HKDC1: variants seen among roughly 807,000 people sequenced by gnomAD.
HKDC1 encodes the protein hexokinase domain containing 1.
In HKDC1, 66 loss-of-function variants were observed where a neutral mutation model predicts 96.6. The ratio of observed to expected loss-of-function variants is 0.68; its 90% CI spans 0.56 to 0.84. The LOEUF is 0.84. Among genes scored for constraint, HKDC1 ranks in the 40% least tolerant of loss-of-function variants. The probability of loss-of-function intolerance (pLI) is 0.00; values close to 1 mark genes in which losing one functional copy is unlikely to be tolerated. For missense variants in HKDC1, 1,211 were observed against 1,208.1 expected, an observed-to-expected ratio of 1.00 and a Z score of -0.04; for synonymous variants, 466 against 473.1, an observed-to-expected ratio of 0.98 and a Z score of 0.20.
At position 69,239,252 on chromosome 10, in the gene HKDC1, A is replaced by G; in HGVS notation, c.591+115A>G. The G allele has an allele frequency of 1.5e-5, 10 of 665,016 alleles. No individual in the cohort carries two copies. The South Asian group carries it at 1.8e-4, about 12-fold the overall frequency. 41.2% of individuals were successfully genotyped at this position (665,016 alleles called of 1,614,324 possible). On this transcript the variant is annotated intron_variant, in intron 5 of 17. Transcript: ENST00000354624. ...CATATGGTGCCTGCATGGAGGGAGA[A>G]TCAGAGAAGGAATTGATCTTAGAAA...
At chr10:69,256,999 A>G (rs1229376807) in intron 12 of HKDC1, 37 bp from the exon 13 acceptor site, 1 of 1,523,246 alleles carries the variant, frequency 6.6e-7, no homozygotes, top group Non-Finnish European at 9.1e-7. Context: ...GCCCTAGCAA[A>G]CTATTGCTCA....
Position 69,248,696 on chromosome 10 carries a change from C to T in HKDC1, c.1538C>T (p.Pro513Leu). Reference sequence around the variant, plus strand: ...GGGCTGGCCACGGTCAGGATGCTGCCCACCTACGTCTGCGGGCTGCCGGAC... The same window carrying T: ...GGGCTGGCCACGGTCAGGATGCTGCTCACCTACGTCTGCGGGCTGCCGGAC... ...SHGLATVRML[P>L]TYVCGLPDGT... Residue 513 changes from proline (P) to leucine (L), a missense_variant, in exon 10 of 18, where the codon CCC (proline) becomes CTC (leucine). Physicochemically the swap from Pro to Leu is moderately conservative, Grantham distance 98 (BLOSUM62 -3). Transcript: ENST00000354624. 1 of 1,612,288 alleles carries T rather than the reference C, an allele frequency of 6.2e-7. No homozygotes were observed. Among genetic ancestry groups the T allele is most frequent in the East Asian group, 2.2e-5 (1 of 44,842 alleles).
chr10:69,261,016 A>G (rs1843797753), intron 15 of HKDC1, 123 bp from the exon 16 acceptor site: 3 of 779,274 alleles, frequency 3.8e-6, no homozygotes, highest in Non-Finnish European at 6.3e-6. Context: ...TCAAGCAGCT[A>G]GTATGTGGCA....
intron 9 of HKDC1, 53 bp from the exon 10 acceptor site, chr10:69,248,371 C>A: frequency 6.6e-7 from 1 of 1,512,896 alleles, no homozygotes; most frequent in Non-Finnish European, 8.9e-7. Context: ...TGGGTCTGTG[C>A]CTGAGCCTGG....
chr10:69,255,869 A>C lies in HKDC1; in HGVS notation c.1837-1167A>C, dbSNP rs568960957. Among the ~76,000 whole-genome samples the C allele has an allele frequency of 3.3e-5, 5 of 152,034 alleles. No homozygotes were observed. In the East Asian group the frequency reaches 9.6e-4, roughly 29 times the overall value. ...GAGGCAGAGGTTGCGGTGAGTTGAG[A>C]TCACACCATTACACTCCAGCCTAGG... On this transcript the variant is annotated intron_variant, in intron 12 of 17. Transcript: ENST00000354624.
At chr10:69,252,323 G>A (rs1275785302) in intron 12 of HKDC1, among the ~76,000 whole-genome samples, 1 of 151,718 alleles carries the variant, frequency 6.6e-6, no homozygotes, top group Admixed American at 6.6e-5. Context: ...ACCAGCCTGG[G>A]CAACATAGTG....
chr10:69,257,354 G>A lies in HKDC1; in HGVS notation c.1960G>A (p.Val654Met), dbSNP rs772860598. ...GTTTGACCTGGACATTGTTGCAGTC[G>A]TGAATGATACAGTGGGGACCATGAT... The part of the protein sequence containing the change: ...NEFDLDIVAV[V>M]NDTVGTMMTC... The change falls in exon 14 of 18, where the codon GTG (valine) becomes ATG (methionine). Residue 654 changes from valine to methionine, a missense_variant. Val to Met is a conservative substitution (Grantham distance 21). Coordinates refer to ENST00000354624, the MANE Select transcript of HKDC1 (RefSeq NM_025130.4). 44 of 1,613,738 alleles carry A rather than the reference G, an allele frequency of 2.7e-5. No homozygotes were observed. The highest frequency in any genetic ancestry group is 2.0e-4 in the Admixed American group (12 of 60,000).
At position 69,248,617 on chromosome 10, in the gene HKDC1, G is replaced by T. The variant is rs534744139; in HGVS notation, c.1459G>T (p.Val487Leu). 1 of 1,614,154 alleles carries T rather than the reference G, an allele frequency of 6.2e-7. No homozygotes were observed. Among genetic ancestry groups the T allele is most frequent in the African/African-American group, 1.3e-5 (1 of 75,064 alleles). Residue 487 changes from valine to leucine, a missense_variant, in exon 10 of 18, where the codon GTG (valine) becomes TTG (leucine). By Grantham distance (32) the Val-to-Leu change is conservative. Coordinates refer to ENST00000354624, the MANE Select transcript of HKDC1 (RefSeq NM_025130.4). ...GCTGACCCGAGAGCAGCTCGTGGAC[G>T]TGCAGGCCAAGATGCGGGCTGAGCT... is the stretch of plus-strand genomic sequence containing the variant. ...FQLTREQLVD[V>L]QAKMRAELEY...
rs370639938 is a variant in HKDC1 at position 69,232,996 on chromosome 10, G to A, written c.376-18G>A. 17 of 1,613,462 alleles carry A rather than the reference G, an allele frequency of 1.1e-5. No homozygotes were observed. The highest frequency in any genetic ancestry group is 1.4e-5 in the Non-Finnish European group (16 of 1,180,048). On this transcript the variant is annotated intron_variant, in intron 3 of 17. Transcript: ENST00000354624. Reference sequence around the variant, plus strand: ...AACCACACCTTAGCCCATGTACTTTGCTTTCTCTTCTCTGCAGCTGTTTGA... The same window carrying A: ...AACCACACCTTAGCCCATGTACTTTACTTTCTCTTCTCTGCAGCTGTTTGA...
chr10:69,259,583 G>T (rs1843775379), intron 15 of HKDC1, among the ~76,000 whole-genome samples: 1 of 152,210 alleles, frequency 6.6e-6, no homozygotes. Context: ...TTCTCCCGTT[G>T]CTGTAAAGAA....
intron 4 of HKDC1, among the ~76,000 whole-genome samples, chr10:69,236,320 C>T (rs1194321766): frequency 6.6e-6 from 1 of 151,558 alleles, no homozygotes; most frequent in Non-Finnish European, 1.5e-5. Context: ...GTTGGCCAGG[C>T]TGGTCTTGAA....
chr10:69,252,194 C>T (rs1589413973), intron 12 of HKDC1, among the ~76,000 whole-genome samples: 1 of 147,632 alleles, frequency 6.8e-6, no homozygotes, highest in Non-Finnish European at 1.5e-5. Flanking sequence ...ATTACAAAAT[C>T]TTTCCTGTAA....
intron 15 of HKDC1, among the ~76,000 whole-genome samples, chr10:69,260,277 C>T (rs1843785141): frequency 6.6e-6 from 1 of 152,106 alleles, no homozygotes. Context: ...CTCTTTGGCA[C>T]CAATCTTGTA....
rs1843558281 is a variant in HKDC1, at chr10:69,247,412, G to C, written c.1084G>C (p.Glu362Gln). ...TREILVDLGL[E>Q]PSEADCIAVQ... is the part of the protein sequence containing the mutation. ...AGAGATCCTGGTGGACCTGGGTCTG[G>C]AACCGTCTGAGGCTGACTGCATTGC... Residue 362 changes from glutamate to glutamine, a missense_variant, in exon 9 of 18, where the codon GAA (glutamate) becomes CAA (glutamine). By Grantham distance (29) the Glu-to-Gln change is conservative (BLOSUM62 2). Coordinates refer to ENST00000354624, the MANE Select transcript of HKDC1 (RefSeq NM_025130.4). 1 of 1,614,106 alleles carries C rather than the reference G, an allele frequency of 6.2e-7. No homozygotes were observed. Among genetic ancestry groups the C allele is most frequent in the African/African-American group, 1.3e-5 (1 of 75,016 alleles).
chr10:69,225,034 G>T (rs1014482171), intron 1 of HKDC1, among the ~76,000 whole-genome samples: 1 of 152,170 alleles, frequency 6.6e-6, no homozygotes, highest in African/African-American at 2.4e-5. Flanking sequence ...AGATACAGAA[G>T]ATCAAAAGGA....
rs752502910 is a variant in HKDC1, at chr10:69,257,107, C to T, written c.1908C>T (p.Leu636=). The T allele has an allele frequency of 6.2e-7, 1 of 1,614,028 alleles. No homozygotes were observed. Among genetic ancestry groups the T allele is most frequent in the East Asian group, 2.2e-5 (1 of 44,874 alleles). ...DCEGEDVVDM[L]REAIKRRNEF... ...AAGGGGAGGACGTGGTGGACATGCT[C>T]AGGGAAGCCATCAAGAGGAGAAACG... is the stretch of plus-strand genomic sequence containing the variant. The change falls in exon 13 of 18, where the codon CTC becomes CTT. Residue 636 remains leucine, a synonymous_variant. Transcript: ENST00000354624.
In HKDC1 at chr10:69,248,588, TC is replaced by T. The variant is rs1192798911; in HGVS notation, c.1432del (p.Gln478SerfsTer2). ...RKQIDRVLAL[F>X]QLTREQLVDV... Reference sequence around the variant, plus strand: ...CAGATCGACAGGGTGCTGGCTTTGTTCCAGCTGACCCGAGAGCAGCTCGTGG... The same window carrying T: ...CAGATCGACAGGGTGCTGGCTTTGTTCAGCTGACCCGAGAGCAGCTCGTGG... On this transcript the variant is annotated frameshift_variant, in exon 10 of 18. Coordinates refer to ENST00000354624, the MANE Select transcript of HKDC1 (RefSeq NM_025130.4). LOFTEE classifies it high-confidence loss of function. 1 of 1,614,084 alleles carries T rather than the reference TC, an allele frequency of 6.2e-7. No individual in the cohort carries two copies. Among genetic ancestry groups the T allele is most frequent in the African/African-American group, 1.3e-5 (1 of 75,046 alleles).
chr10:69,240,524 C>A (rs1019050215), intron 5 of HKDC1, 128 bp from the exon 6 acceptor site: 33 of 677,710 alleles, frequency 4.9e-5, no homozygotes, highest in Non-Finnish European at 7.7e-5. Flanking sequence ...CTCCTTCAGA[C>A]AGGCCCAGCA....
At chr10:69,243,433 C>A in intron 7 of HKDC1, 68 bp downstream of exon 7, 1 of 1,366,876 alleles carries the variant, frequency 7.3e-7, no homozygotes, top group Non-Finnish European at 9.8e-7. Flanking sequence ...GGTCCCCTGG[C>A]TACCTGGGAG....
Sources: gnomAD v4.1 joint callset for allele counts (sites outside exome capture counted in the v4.1 genomes callset) on GRCh38, gnomAD v4.1.1 for gene constraint, MANE v1.5 for transcripts, NCBI Gene and HGNC (gene_info 2026-07-23, HGNC 2026-07-21) for gene names.